DCTN4: variants seen among roughly 807,000 people sequenced by gnomAD.
DCTN4 encodes the protein dynactin 4 (p62).
A neutral mutation model predicts 62.7 loss-of-function variants in DCTN4; 23 were observed. The ratio of observed to expected loss-of-function variants is 0.37; its 90% CI spans 0.26 to 0.52. The LOEUF (loss-of-function observed/expected upper bound fraction) is 0.52, where lower values mean the gene tolerates loss of function less well. DCTN4 is among the 20% of genes least tolerant of loss of function. The pLI is 0.92. For synonymous variants in DCTN4, 199 were observed against 202.1 expected, an observed-to-expected ratio of 0.98 and a Z score of 0.13; for missense variants, 514 against 580.4, an observed-to-expected ratio of 0.89 and a Z score of 1.18.
rs77192824 is a variant in DCTN4 at position 150,755,406 on chromosome 5, C to T, written c.206+1011G>A. On this transcript the variant is annotated intron_variant, in intron 2 of 12. Transcript: ENST00000447998. ...TAGAGTACAAAAAAAGAAGGAAAAG[C>T]AGTAACTTTACAGTGGAGAAACCTG... is the stretch of plus-strand genomic sequence containing the variant. The T allele has an allele frequency of 6.5e-3, 2,427 of 375,174 alleles. 45 individuals are homozygous for T. Among genetic ancestry groups the T allele is most frequent in the African/African-American group, 0.036 (1,698 of 47,000 alleles). 23.2% of individuals were successfully genotyped at this position (375,174 alleles called of 1,614,324 possible).
intron 8 of DCTN4, among the ~76,000 whole-genome samples, chr5:150,726,504 T>TCCC (rs1760150706): frequency 6.6e-6 from 1 of 152,092 alleles, no homozygotes; most frequent in Non-Finnish European, 1.5e-5. Flanking sequence ...AGGCCAATCC[T>TCCC]CCCCGCCATT....
At chr5:150,742,268 A>C in intron 3 of DCTN4, 111 bp from the exon 4 acceptor site, 1 of 1,064,886 alleles carries the variant, frequency 9.4e-7, no homozygotes, top group Non-Finnish European at 1.4e-6. Context: ...AGTTATATAG[A>C]CCATTCTGGT....
intron 4 of DCTN4, among the ~76,000 whole-genome samples, chr5:150,741,534 G>T (rs138844273): frequency 1.3e-5 from 2 of 151,990 alleles, no homozygotes; most frequent in African/African-American, 4.8e-5. Flanking sequence ...AGGATGGAGC[G>T]TGGTGGTATG....
At chr5:150,723,001 ACACGTAT>A in intron 8 of DCTN4, 21 bp from the exon 9 acceptor site, 1 of 1,548,470 alleles carries the variant, frequency 6.5e-7, no homozygotes, top group South Asian at 1.1e-5. Flanking sequence ...AACAAATATA[ACACGTAT>A]CAGAAGACAA....
At chr5:150,731,829 C>T (rs1760381884) in intron 5 of DCTN4, 2 of 1,480,888 alleles carry the variant, frequency 1.4e-6, no homozygotes, top group Middle Eastern at 3.4e-4. Context: ...TCCTGGAACA[C>T]CAGTGGTCAT....
intron 3 of DCTN4, among the ~76,000 whole-genome samples, chr5:150,749,553 T>C (rs1013064306): frequency 6.6e-5 from 10 of 152,076 alleles, no homozygotes; most frequent in Non-Finnish European, 1.3e-4. Context: ...CAGTGGTTCA[T>C]GCTTTTAATC....
chr5:150,727,712 C>G (rs6887380), intron 8 of DCTN4, among the ~76,000 whole-genome samples: 7,207 of 138,388 alleles, frequency 0.052, 607 homozygotes, highest in African/African-American at 0.18. Context: ...GGAGGCGGAG[C>G]TTGCAGTGAG....
intron 8 of DCTN4, among the ~76,000 whole-genome samples, chr5:150,726,476 A>G (rs1030826869): frequency 1.4e-4 from 21 of 152,214 alleles, no homozygotes; most frequent in African/African-American, 4.6e-4. Flanking sequence ...AAGCTGCAGT[A>G]CAATTCACTT....
chr5:150,730,902 T>C, intron 7 of DCTN4, 142 bp downstream of exon 7: 1 of 773,850 alleles, frequency 1.3e-6, no homozygotes, highest in Non-Finnish European at 2.1e-6. Context: ...CAATTACCTC[T>C]ATTACAGCTG....
At chr5:150,721,263 C>T (rs1581569234) in intron 9 of DCTN4, among the ~76,000 whole-genome samples, 1 of 152,092 alleles carries the variant, frequency 6.6e-6, no homozygotes, top group East Asian at 1.9e-4. Flanking sequence ...TCAATTTAAC[C>T]AACTATTTCC....
intron 10 of DCTN4, 145 bp downstream of exon 10, chr5:150,719,571 T>C: frequency 1.6e-6 from 1 of 637,118 alleles, no homozygotes; most frequent in Middle Eastern, 2.4e-4. Context: ...GTCAACAAAT[T>C]TAGTCTTTAT....
intron 4 of DCTN4, among the ~76,000 whole-genome samples, chr5:150,737,118 A>C (rs979136092): frequency 8.5e-5 from 13 of 152,210 alleles, no homozygotes; most frequent in African/African-American, 3.1e-4. Context: ...TTTATAAAAC[A>C]ATTACTACTA....
intron 8 of DCTN4, among the ~76,000 whole-genome samples, chr5:150,723,645 T>C (rs1760032564): frequency 6.6e-6 from 1 of 152,186 alleles, no homozygotes; most frequent in Non-Finnish European, 1.5e-5. Flanking sequence ...GTAATAATTA[T>C]TTACTACTTT....
At position 150,710,508 on chromosome 5, in the gene DCTN4, T is replaced by C. The variant is rs1002732602; in HGVS notation, c.*641A>G. 2 of 152,812 alleles carry C rather than the reference T, an allele frequency of 1.3e-5. No homozygotes were observed. Among genetic ancestry groups the C allele is most frequent in the Non-Finnish European group, 2.9e-5 (2 of 68,370 alleles). The allele number at this position is 152,812 out of a possible 1,614,324, so 9.5% of individuals were successfully genotyped here. On this transcript the variant is annotated 3_prime_UTR_variant, in exon 13 of 13. Coordinates refer to ENST00000447998, the MANE Select transcript of DCTN4 (RefSeq NM_016221.4). The stretch of plus-strand genomic sequence containing the variant: ...AAAAATTAAGAACAACTAATACGTG[T>C]CCTGTATTCACTTAGAAAAAGAGGG...
At chr5:150,736,251 C>T (rs561818611) in intron 4 of DCTN4, 9 of 152,250 alleles carry the variant, frequency 5.9e-5, no homozygotes, top group South Asian at 2.1e-4. Context: ...ATACAAGAAG[C>T]TCAAAGAACA....
At chr5:150,748,487 CAT>C (rs1214526199) in intron 3 of DCTN4, among the ~76,000 whole-genome samples, 3 of 151,666 alleles carry the variant, frequency 2.0e-5, no homozygotes, top group Admixed American at 2.0e-4. Flanking sequence ...CACATGCACA[CAT>C]ATGTTTATTG....
chr5:150,756,560 T>C (rs939661600), intron 1 of DCTN4, 73 bp from the exon 2 acceptor site: 68 of 921,546 alleles, frequency 7.4e-5, no homozygotes, highest in Non-Finnish European at 1.1e-4. Flanking sequence ...TCTTGTCAAA[T>C]AGTGAATTTT....
Position 150,742,115 on chromosome 5 carries a change from C to T in DCTN4, c.428G>A (p.Arg143Gln), listed in dbSNP as rs202089004. Residue 143 changes from arginine (R) to glutamine (Q), a missense_variant and splice_region_variant, in exon 4 of 13, where the codon CGG becomes CAG. Transcript: ENST00000447998. ...WQEPENPHTQRMNKLIEYYQQ... is the reference protein window; with the variant it reads ...WQEPENPHTQQMNKLIEYYQQ... Reference sequence around the variant, plus strand: ...TCTCTCTTATGACCCTTTACTTACCCGTTGTGTGTGAGGATTTTCAGGTTC... The same window carrying T: ...TCTCTCTTATGACCCTTTACTTACCTGTTGTGTGTGAGGATTTTCAGGTTC... The T allele has an allele frequency of 7.9e-5, 127 of 1,613,646 alleles. No individual in the cohort carries two copies. The highest frequency in any genetic ancestry group is 1.8e-4 in the East Asian group (8 of 44,872).
intron 3 of DCTN4, among the ~76,000 whole-genome samples, chr5:150,752,483 T>C (rs1752711846): frequency 6.6e-6 from 1 of 152,192 alleles, no homozygotes; most frequent in African/African-American, 2.4e-5. Flanking sequence ...GACATTGAAT[T>C]ACTGGGCAGA....
Sources: gnomAD v4.1 joint callset for allele counts (sites outside exome capture counted in the v4.1 genomes callset) on GRCh38, gnomAD v4.1.1 for gene constraint, MANE v1.5 for transcripts, NCBI Gene and HGNC (gene_info 2026-07-23, HGNC 2026-07-21) for gene names.